Variants in SIDT1 observed in about 807,000 individuals in gnomAD.
The protein encoded by SIDT1 is SID1 transmembrane family, member 1.
A neutral mutation model predicts 107.5 loss-of-function variants in SIDT1; 101 were observed. That is an observed-to-expected ratio of 0.94 (90% CI 0.80 to 1.11). SIDT1 has a LOEUF of 1.11. Among genes scored for constraint, SIDT1 ranks in the 50% least tolerant of loss-of-function variants. The pLI, the probability that SIDT1 is intolerant of heterozygous loss-of-function variation, is 0.00. For missense variants in SIDT1, 1,076 were observed against 1,058.2 expected (o/e 1.02, Z -0.23); for synonymous variants, 395 against 398.2 (o/e 0.99, Z 0.10).
At chr3:113,627,446 T>C (rs1946931188) in intron 24 of SIDT1, among the ~76,000 whole-genome samples, 200 bp from the exon 25 acceptor site, 1 of 152,220 alleles carries the variant, frequency 6.6e-6, no homozygotes, top group South Asian at 2.1e-4. Flanking sequence ...TCATAAACCT[T>C]CATGAATATT....
At chr3:113,609,011 A>G (rs1576945319) in intron 17 of SIDT1, among the ~76,000 whole-genome samples, 2 of 150,640 alleles carry the variant, frequency 1.3e-5, no homozygotes, top group South Asian at 4.2e-4. Context: ...AAAGCCACAG[A>G]TAATATCCTT....
chr3:113,567,495 T>C (rs1256102680), intron 2 of SIDT1, 45 bp from the exon 3 acceptor site: 1 of 1,523,084 alleles, frequency 6.6e-7, no homozygotes, highest in Admixed American at 1.9e-5. Context: ...ACTGAGTCCC[T>C]TTCTTGTCCT....
intron 9 of SIDT1, chr3:113,592,702 C>T (rs1319817485): frequency 3.1e-6 from 1 of 319,502 alleles, no homozygotes; most frequent in Non-Finnish European, 6.0e-6. Context: ...ATTCTCCTGC[C>T]TCAGCCTCCC....
chr3:113,617,462 A>G (rs1946187864), intron 20 of SIDT1, among the ~76,000 whole-genome samples: 1 of 152,186 alleles, frequency 6.6e-6, no homozygotes, highest in Non-Finnish European at 1.5e-5. Flanking sequence ...AGAACTAGTG[A>G]TGCTAGTATT....
At chr3:113,567,036 A>T (rs1358364359) in intron 2 of SIDT1, among the ~76,000 whole-genome samples, 1 of 152,200 alleles carries the variant, frequency 6.6e-6, no homozygotes, top group Non-Finnish European at 1.5e-5. Context: ...TGTATAAGAT[A>T]CTACTGCACT....
At chr3:113,596,578 A>G (rs12054423) in intron 10 of SIDT1, among the ~76,000 whole-genome samples, 4,165 of 152,244 alleles carry the variant, frequency 0.027, 221 homozygotes, top group East Asian at 0.24. Context: ...TGGACCCTGT[A>G]TTGTCTAATT....
intron 1 of SIDT1, among the ~76,000 whole-genome samples, chr3:113,558,990 T>G (rs1941165285): frequency 6.6e-6 from 1 of 152,242 alleles, no homozygotes; most frequent in South Asian, 2.1e-4. Context: ...TTCTTGAGAT[T>G]TATCCATACT....
In SIDT1 at chr3:113,594,502, G is replaced by T. The variant is rs1161230056; in HGVS notation, c.1045+1454G>T. ...GAATCCCATTGGGTAGCCTCTGAAT[G>T]GTTAGTCTGTTATTTTTTATAGTAT... is the stretch of plus-strand genomic sequence containing the variant. On this transcript the variant is annotated intron_variant, in intron 10 of 24. Coordinates refer to ENST00000264852, the MANE Select transcript of SIDT1 (RefSeq NM_017699.3). Among the ~76,000 whole-genome samples, 5 of 152,090 alleles carry T rather than the reference G, an allele frequency of 3.3e-5. No homozygotes were observed. The East Asian group carries it at 9.7e-4, about 29-fold the overall frequency.
intron 3 of SIDT1, among the ~76,000 whole-genome samples, chr3:113,571,352 T>C (rs1193702892): frequency 6.6e-6 from 1 of 152,182 alleles, no homozygotes; most frequent in Non-Finnish European, 1.5e-5. Context: ...CAGGAGTTTG[T>C]GCTGCTGTGA....
rs191016692 is a variant in SIDT1 at position 113,548,071 on chromosome 3, A to G, written c.222+14828A>G. 6.2e-4 allele frequency among the ~76,000 whole-genome samples: 94 copies of G among 152,202 alleles called. 1 individual carries two copies. Among genetic ancestry groups the G allele is most frequent in the Non-Finnish European group, 1.0e-4 (7 of 67,956 alleles). On this transcript the variant is annotated intron_variant, in intron 1 of 24. Coordinates refer to ENST00000264852, the MANE Select transcript of SIDT1 (RefSeq NM_017699.3). ...ACCTTGGACCTTCAAGAGCATAAAT[A>G]CAAGTTTGCCCTCTCTCTGCCTAAC...
intron 1 of SIDT1, among the ~76,000 whole-genome samples, chr3:113,551,040 T>C (rs181427223): frequency 1.6e-4 from 25 of 152,320 alleles, no homozygotes; most frequent in African/African-American, 5.8e-4. Flanking sequence ...CTGTGTTAGT[T>C]TGCTAAGGAT....
At chr3:113,583,332 C>G in intron 6 of SIDT1, 77 bp from the exon 7 acceptor site, 1 of 1,069,182 alleles carries the variant, frequency 9.4e-7, no homozygotes. Context: ...CTCTTTCTTT[C>G]TGCCCCTACC....
chr3:113,572,318 T>C (rs962356511), intron 3 of SIDT1, among the ~76,000 whole-genome samples: 4 of 152,240 alleles, frequency 2.6e-5, no homozygotes, highest in African/African-American at 9.6e-5. Context: ...GAGTTACAGT[T>C]AGGCAGACTA....
intron 3 of SIDT1, among the ~76,000 whole-genome samples, chr3:113,572,874 G>A (rs1942581101): frequency 6.6e-6 from 1 of 152,276 alleles, no homozygotes; most frequent in African/African-American, 2.4e-5. Flanking sequence ...ACTATGCTGT[G>A]AAAAGTAATA....
intron 1 of SIDT1, among the ~76,000 whole-genome samples, chr3:113,538,856 T>G (rs1158062200): frequency 6.6e-6 from 1 of 152,224 alleles, no homozygotes; most frequent in Non-Finnish European, 1.5e-5. Flanking sequence ...ATTTATGTTT[T>G]GGCAAGACTA....
intron 1 of SIDT1, among the ~76,000 whole-genome samples, chr3:113,565,229 G>T (rs906571105): frequency 1.3e-5 from 2 of 152,034 alleles, no homozygotes; most frequent in Non-Finnish European, 2.9e-5. Context: ...GTTGCCTATG[G>T]TATTATAAGA....
Position 113,608,426 on chromosome 3 carries a change from G to C in SIDT1, c.1610G>C (p.Gly537Ala). Residue 537 changes from glycine to alanine, a missense_variant, in exon 17 of 25, where the codon GGG (glycine) becomes GCG (alanine). Physicochemically the swap from Gly to Ala is moderately conservative, Grantham distance 60. Coordinates refer to ENST00000264852, the MANE Select transcript of SIDT1 (RefSeq NM_017699.3). The stretch of plus-strand genomic sequence containing the variant: ...CCCTTTCTCCTTTTTCAGGAGTACG[G>C]GATTCCCAAACACTTTGGTCTCTTC... ...EAKDIFAVEYGIPKHFGLFYA... is the reference protein window; with the variant it reads ...EAKDIFAVEYAIPKHFGLFYA... 1.9e-6 allele frequency: 3 copies of C among 1,612,246 alleles called. No individual in the cohort carries two copies. The highest frequency in any genetic ancestry group is 2.5e-6 in the Non-Finnish European group (3 of 1,178,312).
intron 9 of SIDT1, 142 bp downstream of exon 9, chr3:113,585,412 G>T: frequency 1.5e-6 from 1 of 662,742 alleles, no homozygotes; most frequent in Non-Finnish European, 2.7e-6. Flanking sequence ...TTGTGACCTT[G>T]GAGATGTTGC....
rs1943607275 is a variant in SIDT1 at position 113,584,690 on chromosome 3, T to A, written c.836-8T>A. 4 of 1,584,888 alleles carry A rather than the reference T, an allele frequency of 2.5e-6. No individual in the cohort carries two copies. Among genetic ancestry groups the A allele is most frequent in the Non-Finnish European group, 2.6e-6 (3 of 1,165,620 alleles). ...TGCTTTGTTCTTTTTTTATTTTTTTTAAACCAGAAAAGGAAAACCAGACCT... is the reference window on the plus strand; with the variant it reads ...TGCTTTGTTCTTTTTTTATTTTTTTAAAACCAGAAAAGGAAAACCAGACCT... On this transcript the variant is annotated splice_polypyrimidine_tract_variant and splice_region_variant and intron_variant, in intron 7 of 24. Transcript: ENST00000264852.
Sources: gnomAD v4.1 joint callset for allele counts (sites outside exome capture counted in the v4.1 genomes callset) on GRCh38, gnomAD v4.1.1 for gene constraint, MANE v1.5 for transcripts, NCBI Gene and HGNC (gene_info 2026-07-23, HGNC 2026-07-21) for gene names.